The following SLC45A4 variants were observed in gnomAD, a reference collection of about 807,000 sequenced individuals.
SLC45A4 encodes polyamine-transporter SLC45A4.
Under a neutral mutation model 63.7 loss-of-function variants are expected in SLC45A4, and 32 were observed. The ratio of observed to expected loss-of-function variants is 0.50; its 90% CI spans 0.38 to 0.67. SLC45A4 has a LOEUF of 0.67. Ranked by LOEUF, SLC45A4 falls within the 30% of genes least tolerant of loss-of-function variation. The probability of loss-of-function intolerance (pLI) is 0.00; values close to 1 mark genes in which losing one functional copy is unlikely to be tolerated. For synonymous variants in SLC45A4, 535 were observed against 510.0 expected, an observed-to-expected ratio of 1.05 and a Z score of -0.66; for missense variants, 1,027 against 1,157.7, an observed-to-expected ratio of 0.89 and a Z score of 1.64.
intron 2 of SLC45A4, among the ~76,000 whole-genome samples, chr8:141,231,797 G>A (rs1589790939): frequency 6.6e-6 from 1 of 152,366 alleles, no homozygotes; most frequent in Middle Eastern, 3.4e-3. Flanking sequence ...CCACTAGGAA[G>A]TTACTGCCAC....
At chr8:141,260,513 G>A (rs1180689693) in intron 1 of SLC45A4, among the ~76,000 whole-genome samples, 3 of 152,258 alleles carry the variant, frequency 2.0e-5, no homozygotes, top group Non-Finnish European at 4.4e-5. Flanking sequence ...GCCACCTGGT[G>A]CAGCTGCTGC....
In SLC45A4 at chr8:141,252,929, G is replaced by A. The variant is rs188499621; in HGVS notation, c.241+1060C>T. 7.4e-5 allele frequency among the ~76,000 whole-genome samples: 11 copies of A among 149,428 alleles called. No individual in the cohort carries two copies. In the East Asian group the frequency reaches 1.8e-3, roughly 25 times the overall value. ...TTTTCGTGTTTTCATGCCCACCTGC[G>A]TGTCTGTGAATTTCCGTGTTTTCAC... On this transcript the variant is annotated intron_variant, in intron 2 of 8. Coordinates refer to ENST00000517878, the MANE Select transcript of SLC45A4 (RefSeq NM_001286646.2).
intron 8 of SLC45A4, 134 bp downstream of exon 8, chr8:141,212,063 C>T (rs1825853139): frequency 3.6e-6 from 5 of 1,402,744 alleles, no homozygotes; most frequent in Non-Finnish European, 4.6e-6. Context: ...GGGCTCTGGC[C>T]CGCACTGCCG....
chr8:141,211,695 C>A lies in SLC45A4; in HGVS notation c.2304G>T (p.Thr768=), dbSNP rs142660892. The A allele has an allele frequency of 6.6e-4, 1,025 of 1,548,122 alleles. No individual in the cohort carries two copies. In the Middle Eastern group the frequency reaches 0.012, roughly 17 times the overall value. The change falls in exon 9 of 9, where the codon ACG becomes ACT. Residue 768 remains threonine (T), a splice_region_variant and synonymous_variant. Transcript: ENST00000517878. ...LQGPVETESV[T]PAGIDVCQIS... ...TCTGACAGACGTCAATACCTGCAGG[C>A]GTCTACAGAGAGGAAATTTGATAAA... is the stretch of plus-strand genomic sequence containing the variant.
At chr8:141,250,180 G>C (rs1044379045) in intron 2 of SLC45A4, among the ~76,000 whole-genome samples, 1 of 152,172 alleles carries the variant, frequency 6.6e-6, no homozygotes, top group African/African-American at 2.4e-5. Flanking sequence ...TACATACGCA[G>C]ACAGGTCCTG....
At chr8:141,269,377 T>C (rs1829418902) in intron 1 of SLC45A4, among the ~76,000 whole-genome samples, 1 of 152,218 alleles carries the variant, frequency 6.6e-6, no homozygotes, top group Non-Finnish European at 1.5e-5. Flanking sequence ...TCTGCTCTCC[T>C]TTCAATTAGA....
rs2369480 is a variant in SLC45A4, at chr8:141,244,957, T to A, written c.241+9032A>T. 5.9e-4 allele frequency among the ~76,000 whole-genome samples: 5 copies of A among 8,418 alleles called. 1 individual carries two copies. The highest frequency in any genetic ancestry group is 1.0e-3 in the Non-Finnish European group (4 of 3,916). 5.5% of individuals were successfully genotyped at this position (8,418 alleles called of 152,430 possible). A position where few individuals can be genotyped will look rare whatever the true frequency, so the allele number is the denominator to read the frequency against. On this transcript the variant is annotated intron_variant, in intron 2 of 8. Transcript: ENST00000517878. ...TGCGCATTCAGCAAGAAGACGTGGGTGGGGGGGGGGGGCGGTGTGGAGGTG... is the reference window on the plus strand; with the variant it reads ...TGCGCATTCAGCAAGAAGACGTGGGAGGGGGGGGGGGGCGGTGTGGAGGTG...
At chr8:141,234,233 A>G (rs1827506786) in intron 2 of SLC45A4, among the ~76,000 whole-genome samples, 1 of 152,190 alleles carries the variant, frequency 6.6e-6, no homozygotes, top group African/African-American at 2.4e-5. Flanking sequence ...CCTGGTTTGA[A>G]GGAAAAGTGC....
rs1313980519 is a variant in SLC45A4 at position 141,218,253 on chromosome 8, T to G, written c.1387A>C (p.Lys463Gln). The change falls in exon 5 of 9, where the codon AAG becomes CAG. Residue 463 changes from lysine (K) to glutamine (Q), a missense_variant. Physicochemically the swap from Lys to Gln is moderately conservative, Grantham distance 53. Transcript: ENST00000517878. Reference protein sequence around the residue: ...RSMSDLYDMQKRQRQHRHRNQ... With the variant: ...RSMSDLYDMQQRQRQHRHRNQ... ...CGGTGCCGGTGCTGCCGCTGCCGCT[T>G]CTGCATGTCGTACAGGTCGCTCATG... is the stretch of plus-strand genomic sequence containing the variant. 3.1e-6 allele frequency: 5 copies of G among 1,602,386 alleles called. No individual in the cohort carries two copies. In the African/African-American group the frequency reaches 5.3e-5, roughly 17 times the overall value.
At chr8:141,226,548 A>T (rs1265308087) in intron 2 of SLC45A4, 1 of 152,334 alleles carries the variant, frequency 6.6e-6, no homozygotes, top group Non-Finnish European at 1.5e-5. Flanking sequence ...CCAGAGCAGG[A>T]GACCCACGAC....
intron 2 of SLC45A4, among the ~76,000 whole-genome samples, 194 bp from the exon 3 acceptor site, chr8:141,221,959 G>A (rs1424424242): frequency 1.3e-5 from 2 of 152,284 alleles, no homozygotes; most frequent in Non-Finnish European, 2.9e-5. Flanking sequence ...CCCAGCCCCA[G>A]CTGTAAGCAT....
At chr8:141,307,822 G>GT (rs1239112247) in intron 1 of SLC45A4, among the ~76,000 whole-genome samples, 5 of 130,422 alleles carry the variant, frequency 3.8e-5, no homozygotes, top group East Asian at 5.5e-4. Flanking sequence ...GGGGTGGGGG[G>GT]AATGAGGGAG....
chr8:141,219,662 C>T lies in SLC45A4; in HGVS notation c.598G>A (p.Ala200Thr), dbSNP rs61995883. The stretch of plus-strand genomic sequence containing the variant: ...GCGGCAGCGTTACCGGCAGAGAAGG[C>T]GTGGATGTTGAGGGCCATGTCCTGC... The part of the protein sequence containing the change: ...EEQDMALNIH[A>T]FSAGLGGAIG... The change falls in exon 4 of 9, where the codon GCC becomes ACC. Residue 200 changes from alanine to threonine, a missense_variant. By Grantham distance (58) the Ala-to-Thr change is moderately conservative. Transcript: ENST00000517878. 2.2e-5 allele frequency: 36 copies of T among 1,608,980 alleles called. No individual in the cohort carries two copies. The highest frequency in any genetic ancestry group is 2.7e-5 in the African/African-American group (2 of 74,878).
chr8:141,283,531 C>T (rs1364148701), intron 1 of SLC45A4, among the ~76,000 whole-genome samples: 1 of 152,230 alleles, frequency 6.6e-6, no homozygotes, highest in African/African-American at 2.4e-5. Context: ...CAATTCCAGG[C>T]ATCAACATCG....
chr8:141,296,661 C>T (rs947960331), intron 1 of SLC45A4, among the ~76,000 whole-genome samples: 1 of 150,600 alleles, frequency 6.6e-6, no homozygotes, highest in African/African-American at 2.4e-5. Flanking sequence ...CATGGTGAAA[C>T]CCCATCCCTA....
intron 1 of SLC45A4, among the ~76,000 whole-genome samples, chr8:141,294,504 C>T (rs963031674): frequency 5.3e-5 from 8 of 152,232 alleles, no homozygotes; most frequent in East Asian, 1.9e-4. Context: ...CTGGGACACA[C>T]GGTCCCTGCT....
chr8:141,251,812 C>T (rs559412433), intron 2 of SLC45A4, among the ~76,000 whole-genome samples: 16 of 151,214 alleles, frequency 1.1e-4, no homozygotes, highest in African/African-American at 2.9e-4. Flanking sequence ...GTGACAAGAT[C>T]GAGGGATGGA....
chr8:141,225,693 C>G (rs1473851280), intron 2 of SLC45A4: 2 of 152,498 alleles, frequency 1.3e-5, no homozygotes, highest in African/African-American at 4.8e-5. Context: ...AGGCTTCTCA[C>G]CCCGGGAGAC....
intron 1 of SLC45A4, among the ~76,000 whole-genome samples, chr8:141,255,086 T>C (rs1400728465): frequency 6.6e-6 from 1 of 152,108 alleles, no homozygotes; most frequent in Admixed American, 6.5e-5. Flanking sequence ...GGGAAAACTT[T>C]TGTTTAAAAA....
Sources: allele counts gnomAD v4.1 joint callset (sites outside exome capture counted in the v4.1 genomes callset), GRCh38; gene constraint gnomAD v4.1.1; transcripts MANE v1.5; gene names NCBI Gene and HGNC (gene_info 2026-07-23, HGNC 2026-07-21).